The following ANKRD36 variants were observed in gnomAD, a reference collection of about 807,000 sequenced individuals.
The protein encoded by ANKRD36 is ankyrin repeat domain 36.
ANKRD36 carries 179 observed loss-of-function variants against 278.1 expected under a neutral mutation model. The observed-to-expected ratio is 0.64, with a 90% CI of 0.57 to 0.73. ANKRD36 has a LOEUF of 0.73. ANKRD36 is among the 30% of genes least tolerant of loss of function. ANKRD36 has a pLI of 0.00. For synonymous variants in ANKRD36, 320 were observed against 641.1 expected (o/e 0.50, Z 7.57); for missense variants, 1,159 against 1,956.7 (o/e 0.59, Z 7.69).
chr2:97,207,882 G>A (rs756344192), intron 53 of ANKRD36, 43 bp downstream of exon 53: 1 of 1,543,010 alleles, frequency 6.5e-7, no homozygotes, highest in African/African-American at 1.4e-5. Context: ...TAAATGTATA[G>A]TCTATGAAAC....
In ANKRD36 at chr2:97,210,071, T is replaced by G. The variant is rs150270398; in HGVS notation, c.3367+199T>G. Among the ~76,000 whole-genome samples, 263 of 151,900 alleles carry G rather than the reference T, an allele frequency of 1.7e-3. 1 individual carries two copies. The highest frequency in any genetic ancestry group is 5.8e-3 in the African/African-American group (242 of 41,502). On this transcript the variant is annotated intron_variant, in intron 56 of 75. Coordinates refer to ENST00000420699, the MANE Select transcript of ANKRD36 (RefSeq NM_001354587.1). ...GATCTTCGCTCTAAGATTATACCCT[T>G]CCCCACATTGAAATTGGGAAGAAGA...
At chr2:97,115,321 GAA>G (rs2034958073) in intron 1 of ANKRD36, among the ~76,000 whole-genome samples, 1 of 151,560 alleles carries the variant, frequency 6.6e-6, no homozygotes. Context: ...AAAGATAACA[GAA>G]AAAAACACAA....
intron 6 of ANKRD36, among the ~76,000 whole-genome samples, chr2:97,129,299 C>G (rs2039450017): frequency 6.6e-6 from 1 of 152,012 alleles, no homozygotes; most frequent in African/African-American, 2.4e-5. Context: ...ATATCCTTCG[C>G]CCACTTTTTG....
chr2:97,184,802 A>G (rs1203185138), intron 28 of ANKRD36, among the ~76,000 whole-genome samples: 2 of 151,798 alleles, frequency 1.3e-5, no homozygotes, highest in Non-Finnish European at 2.9e-5. Context: ...AAGCTGATCA[A>G]TTTAGATCCC....
intron 22 of ANKRD36, among the ~76,000 whole-genome samples, chr2:97,178,984 A>C (rs1478451033): frequency 6.6e-6 from 1 of 151,610 alleles, no homozygotes; most frequent in Non-Finnish European, 1.5e-5. Flanking sequence ...AAGCTTATTC[A>C]TATCTAATGC....
chr2:97,163,774 A>G, intron 18 of ANKRD36: 1 of 417,288 alleles, frequency 2.4e-6, no homozygotes, highest in Non-Finnish European at 3.2e-6. Flanking sequence ...ACGGGGTTTC[A>G]CCGTGTTAGC....
chr2:97,115,812 G>A (rs2035156827), intron 1 of ANKRD36, among the ~76,000 whole-genome samples: 1 of 151,048 alleles, frequency 6.6e-6, no homozygotes, highest in Non-Finnish European at 1.5e-5. Context: ...AATATCTCTA[G>A]GAAATAGAGA....
chr2:97,124,860 G>A (rs1559224666), intron 5 of ANKRD36, among the ~76,000 whole-genome samples: 1 of 151,898 alleles, frequency 6.6e-6, no homozygotes, highest in Non-Finnish European at 1.5e-5. Flanking sequence ...TCTCCTTAGG[G>A]ATTCCAATGT....
At chr2:97,191,238 C>T (rs1047664208) in intron 36 of ANKRD36, 57 bp downstream of exon 36, 19 of 1,488,968 alleles carry the variant, frequency 1.3e-5, no homozygotes, top group East Asian at 2.5e-5. Flanking sequence ...AAGAATTTCT[C>T]TTTCCTGAAT....
At chr2:97,166,866 ATTAT>A (rs958065747) in intron 20 of ANKRD36, among the ~76,000 whole-genome samples, 18 of 152,190 alleles carry the variant, frequency 1.2e-4, no homozygotes, top group African/African-American at 3.9e-4. Flanking sequence ...TTTCTTAAGT[ATTAT>A]TTATTTATTT....
intron 38 of ANKRD36, among the ~76,000 whole-genome samples, chr2:97,194,144 G>A (rs768547756): frequency 4.6e-5 from 7 of 151,572 alleles, no homozygotes; most frequent in Non-Finnish European, 1.0e-4. Context: ...CACTACATGG[G>A]TGTGAGGGAT....
chr2:97,164,527 C>A, intron 20 of ANKRD36, 58 bp downstream of exon 20: 8 of 1,512,170 alleles, frequency 5.3e-6, no homozygotes, highest in Non-Finnish European at 7.1e-6. Context: ...ATTGAAAATG[C>A]TCATAGTTTT....
At chr2:97,200,038 CA>C (rs1223842008) in intron 44 of ANKRD36, among the ~76,000 whole-genome samples, 1 of 151,874 alleles carries the variant, frequency 6.6e-6, no homozygotes, top group East Asian at 1.9e-4. Context: ...TTTTAGATCA[CA>C]TTTGTTCTCA....
Position 97,256,334 on chromosome 2 carries a change from G to A in ANKRD36, c.*6+6161G>A, listed in dbSNP as rs1363308157. On this transcript the variant is annotated intron_variant, in intron 75 of 75. Coordinates refer to ENST00000420699, the MANE Select transcript of ANKRD36 (RefSeq NM_001354587.1). ...ACTGTGCCATTGCACTCTACCCTGGGCAACAAAAGCAAAACTCCGCTTCAA... is the reference window on the plus strand; with the variant it reads ...ACTGTGCCATTGCACTCTACCCTGGACAACAAAAGCAAAACTCCGCTTCAA... 2.6e-5 allele frequency among the ~76,000 whole-genome samples: 4 copies of A among 152,228 alleles called. No homozygotes were observed. In the South Asian group the frequency reaches 8.4e-4, roughly 32 times the overall value.
chr2:97,183,975 A>G (rs900837974), intron 28 of ANKRD36, among the ~76,000 whole-genome samples: 8 of 151,604 alleles, frequency 5.3e-5, no homozygotes, highest in Non-Finnish European at 1.0e-4. Flanking sequence ...GGAAGGAGAA[A>G]GAGAAGAAGT....
chr2:97,144,458 A>T, intron 8 of ANKRD36, 60 bp from the exon 9 acceptor site: 1 of 1,176,760 alleles, frequency 8.5e-7, no homozygotes, highest in Non-Finnish European at 1.2e-6. Context: ...ACTGCATGAA[A>T]GTATGGATAA....
chr2:97,231,450 A>C (rs1447299574), intron 67 of ANKRD36, among the ~76,000 whole-genome samples: 1 of 152,164 alleles, frequency 6.6e-6, no homozygotes, highest in Non-Finnish European at 1.5e-5. Context: ...GGTGCAGGAT[A>C]TAATTTCCTG....
At position 97,250,660 on chromosome 2, in the gene ANKRD36, G is replaced by A. The variant is rs2075862281; in HGVS notation, c.*6+487G>A. Among the ~76,000 whole-genome samples the A allele has an allele frequency of 2.6e-5, 3 of 116,860 alleles. No homozygotes were observed. The South Asian group carries it at 1.5e-3, about 57-fold the overall frequency. 76.7% of individuals were successfully genotyped at this position (116,860 alleles called of 152,430 possible). A position where few individuals can be genotyped will look rare whatever the true frequency, so the allele number is the denominator to read the frequency against. ...TGTCATTGGTTTACTTTTGCCCCTG[G>A]GAAAAGTTGAAAATTCCTTAGCATG... On this transcript the variant is annotated intron_variant, in intron 75 of 75. Transcript: ENST00000420699.
intron 22 of ANKRD36, among the ~76,000 whole-genome samples, chr2:97,177,232 C>G (rs1342226271): frequency 6.6e-6 from 1 of 151,752 alleles, no homozygotes; most frequent in East Asian, 1.9e-4. Flanking sequence ...GAATCAATAT[C>G]GTGAAAATGG....
Sources: gnomAD v4.1 joint callset for allele counts (sites outside exome capture counted in the v4.1 genomes callset) on GRCh38, gnomAD v4.1.1 for gene constraint, MANE v1.5 for transcripts, NCBI Gene and HGNC (gene_info 2026-07-23, HGNC 2026-07-21) for gene names.